Variants in TENM2 observed in about 807,000 individuals in gnomAD.
The protein encoded by TENM2 is teneurin transmembrane protein 2, also known as teneurin-2.
In TENM2, 52 loss-of-function variants were observed where a neutral mutation model predicts 245.2. That is an observed-to-expected ratio of 0.21 (90% CI 0.17 to 0.27). The LOEUF is 0.27. TENM2 is among the 10% of genes least tolerant of loss of function. The probability of loss-of-function intolerance (pLI) is 1.00; values close to 1 mark genes in which losing one functional copy is unlikely to be tolerated. For synonymous variants in TENM2, 1,363 were observed against 1,438.9 expected, an observed-to-expected ratio of 0.95 and a Z score of 1.19; for missense variants, 3,046 against 3,666.8, an observed-to-expected ratio of 0.83 and a Z score of 4.37.
the TENM2 span, among the ~76,000 whole-genome samples, chr5:167,173,740 G>T: frequency 2.7e-5 from 4 of 149,354 alleles, no homozygotes; most frequent in Admixed American, 1.3e-4. Flanking sequence ...TGTGTATGTG[G>T]GTGTGTAGGG....
At chr5:167,754,836 G>A in intron 2 of TENM2, 1 of 433,506 alleles carries the variant, frequency 2.3e-6, no homozygotes, top group South Asian at 8.1e-5. Context: ...GGCAGCGGGG[G>A]AGGCGTCCTC....
intron 2 of TENM2, among the ~76,000 whole-genome samples, chr5:167,427,552 C>CGGGAAGGAA (rs1478203627): frequency 3.0e-5 from 1 of 33,320 alleles, no homozygotes; most frequent in East Asian, 8.9e-4. Context: ...AAGGGAAGGA[C>CGGGAAGGAA]GGGAAGGAAG....
At chr5:168,173,910 G>A (rs921293188) in intron 13 of TENM2, among the ~76,000 whole-genome samples, 4 of 152,210 alleles carry the variant, frequency 2.6e-5, no homozygotes, top group African/African-American at 7.2e-5. Flanking sequence ...CATTGTGAAC[G>A]AAGGGAACGG....
intron 2 of TENM2, among the ~76,000 whole-genome samples, chr5:167,805,886 G>A (rs905092054): frequency 5.3e-5 from 8 of 152,074 alleles, no homozygotes; most frequent in Admixed American, 2.0e-4. Context: ...ATTGTCCTGG[G>A]GGGACTAGAT....
At chr5:167,993,502 T>G (rs1783825392) in intron 5 of TENM2, among the ~76,000 whole-genome samples, 1 of 152,250 alleles carries the variant, frequency 6.6e-6, no homozygotes, top group African/African-American at 2.4e-5. Context: ...CCTTCTAGTT[T>G]TCTCCATCCT....
intron 2 of TENM2, among the ~76,000 whole-genome samples, chr5:167,397,827 G>C (rs1436457169): frequency 6.6e-6 from 1 of 152,112 alleles, no homozygotes; most frequent in African/African-American, 2.4e-5. Flanking sequence ...TCTAAAACAT[G>C]TCTCAGAATC....
chr5:168,202,856 A>G (rs564294153), intron 17 of TENM2, among the ~76,000 whole-genome samples: 11 of 152,340 alleles, frequency 7.2e-5, no homozygotes, highest in African/African-American at 2.6e-4. Context: ...GCAATGCCTC[A>G]TATTTCTAGA....
At chr5:167,857,672 G>A (rs1156850958) in intron 2 of TENM2, among the ~76,000 whole-genome samples, 1 of 152,202 alleles carries the variant, frequency 6.6e-6, no homozygotes, top group African/African-American at 2.4e-5. Context: ...TAGTTTGGAA[G>A]ATAAGAGTCT....
At chr5:168,091,310 GAGT>G (rs1313683282) in intron 8 of TENM2, among the ~76,000 whole-genome samples, 1 of 152,124 alleles carries the variant, frequency 6.6e-6, no homozygotes, top group Admixed American at 6.6e-5. Context: ...TTTTATTCTT[GAGT>G]AGGTAAATCT....
At position 167,350,718 on chromosome 5, in the gene TENM2, G is replaced by GGGATATATACATAT. The variant is rs1561883587; in HGVS notation, c.227-24470_227-24457dup. 3.8e-5 allele frequency among the ~76,000 whole-genome samples: 5 copies of GGGATATATACATAT among 131,224 alleles called. No individual in the cohort carries two copies. In the South Asian group the frequency reaches 1.3e-3, roughly 34 times the overall value. 86.1% of individuals were successfully genotyped at this position (131,224 alleles called of 152,430 possible). A position where few individuals can be genotyped will look rare whatever the true frequency, so the allele number is the denominator to read the frequency against. On this transcript the variant is annotated intron_variant, in intron 1 of 28. Coordinates refer to ENST00000518659, the Ensembl canonical transcript of TENM2. ...GATACATATATGGATATATATATATGGGATATATACATATGGATATATATA... is the reference window on the plus strand; with the variant it reads ...GATACATATATGGATATATATATATGGGATATATACATATGGATATATACATATGGATATATATA...
chr5:167,644,503 A>G (rs557769455), intron 2 of TENM2, among the ~76,000 whole-genome samples: 1 of 152,334 alleles, frequency 6.6e-6, no homozygotes, highest in South Asian at 2.1e-4. Flanking sequence ...CAAAACAATA[A>G]TAGTAAAGGT....
At chr5:167,354,780 T>G (rs1759197538) in intron 1 of TENM2, among the ~76,000 whole-genome samples, 1 of 152,242 alleles carries the variant, frequency 6.6e-6, no homozygotes, top group African/African-American at 2.4e-5. Context: ...AAAGTGTTTA[T>G]AAGTCTGACA....
intron 2 of TENM2, among the ~76,000 whole-genome samples, chr5:167,377,550 A>G (rs1341523724): frequency 6.6e-6 from 1 of 152,194 alleles, no homozygotes; most frequent in Non-Finnish European, 1.5e-5. Context: ...CAAAAGAGGT[A>G]CATAATGTAT....
At chr5:167,612,741 T>G (rs143225837) in intron 2 of TENM2, among the ~76,000 whole-genome samples, 19 of 152,192 alleles carry the variant, frequency 1.2e-4, no homozygotes, top group African/African-American at 4.6e-4. Flanking sequence ...CGGGATGTTT[T>G]GAGGGAAACT....
intron 3 of TENM2, among the ~76,000 whole-genome samples, chr5:167,896,854 G>C (rs1775263722): frequency 6.6e-6 from 1 of 152,340 alleles, no homozygotes; most frequent in South Asian, 2.1e-4. Flanking sequence ...TCCGAAAGCT[G>C]TTAGAGAGGA....
At chr5:167,231,479 A>G in the TENM2 span, among the ~76,000 whole-genome samples, 31,648 of 152,120 alleles carry the variant, frequency 0.21, 3,847 homozygotes, top group African/African-American at 0.34. Flanking sequence ...GGAGACTAGC[A>G]GCATTTTGCT....
chr5:167,592,384 C>A (rs1775938189), intron 2 of TENM2, among the ~76,000 whole-genome samples: 1 of 152,022 alleles, frequency 6.6e-6, no homozygotes, highest in African/African-American at 2.4e-5. Flanking sequence ...TTGGTAAACC[C>A]CTTTATTACT....
chr5:167,845,167 T>C (rs774523380), intron 2 of TENM2, among the ~76,000 whole-genome samples: 1 of 152,036 alleles, frequency 6.6e-6, no homozygotes, highest in Non-Finnish European at 1.5e-5. Context: ...CAGACGTTTT[T>C]GTTTTAATGT....
intron 2 of TENM2, among the ~76,000 whole-genome samples, chr5:167,385,487 G>GT (rs1255623466): frequency 4.1e-5 from 6 of 146,256 alleles, no homozygotes; most frequent in Admixed American, 2.7e-4. Context: ...ATATTGTGGG[G>GT]TTTTTTTAGG....
Sources: allele counts gnomAD v4.1 joint callset (sites outside exome capture counted in the v4.1 genomes callset), GRCh38; gene constraint gnomAD v4.1.1; transcripts MANE v1.5; gene names NCBI Gene and HGNC (gene_info 2026-07-23, HGNC 2026-07-21).